The following OGA variants were observed in gnomAD, a reference collection of about 807,000 sequenced individuals.
OGA encodes protein O-GlcNAcase.
A neutral mutation model predicts 102.0 loss-of-function variants in OGA; 21 were observed. The observed-to-expected ratio is 0.21, with a 90% CI of 0.15 to 0.30. OGA has a LOEUF of 0.30. Ranked by LOEUF, OGA falls within the 10% of genes least tolerant of loss-of-function variation. OGA has a pLI of 1.00. For synonymous variants in OGA, 408 were observed against 378.2 expected, an observed-to-expected ratio of 1.08 and a Z score of -0.91; for missense variants, 765 against 1,107.8, an observed-to-expected ratio of 0.69 and a Z score of 4.39.
intron 14 of OGA, among the ~76,000 whole-genome samples, chr10:101,788,264 CCT>C (rs1198040199): frequency 2.0e-5 from 3 of 151,256 alleles, no homozygotes; most frequent in Non-Finnish European, 4.4e-5. Flanking sequence ...AAAGTAAAAC[CCT>C]GTCTCTACTA....
chr10:101,800,514 C>A, intron 7 of OGA, 114 bp from the exon 8 acceptor site: 1 of 776,482 alleles, frequency 1.3e-6, no homozygotes, highest in Non-Finnish European at 2.0e-6. Flanking sequence ...AAACAAAGAA[C>A]AGAATGAGAA....
chr10:101,800,779 T>C (rs1257554142), intron 7 of OGA, among the ~76,000 whole-genome samples: 2 of 145,626 alleles, frequency 1.4e-5, no homozygotes, highest in Non-Finnish European at 3.1e-5. Context: ...TTCTTTTTTT[T>C]TTTTTTTTTT....
chr10:101,788,332 G>A (rs921492633), intron 14 of OGA, among the ~76,000 whole-genome samples: 2 of 151,328 alleles, frequency 1.3e-5, no homozygotes, highest in East Asian at 1.9e-4. Context: ...CCAGCAACTC[G>A]GGAAGCTGAG....
At chr10:101,786,702 CAG>C in intron 15 of OGA, 115 bp from the exon 16 acceptor site, 1 of 849,764 alleles carries the variant, frequency 1.2e-6, no homozygotes, top group Non-Finnish European at 1.7e-6. Context: ...CTGTCTACAC[CAG>C]CTCCTACATT....
At chr10:101,808,005 A>G (rs113032515) in intron 4 of OGA, 104 bp from the exon 5 acceptor site, 1 of 929,412 alleles carries the variant, frequency 1.1e-6, no homozygotes, top group Non-Finnish European at 1.5e-6. Flanking sequence ...CCTTACTAGA[A>G]TGTTCAAAGA....
chr10:101,790,046 A>T (rs986413315), intron 14 of OGA, among the ~76,000 whole-genome samples: 5 of 152,192 alleles, frequency 3.3e-5, no homozygotes, highest in Non-Finnish European at 7.3e-5. Flanking sequence ...ATGGGGCATA[A>T]AACTTTTTTG....
intron 9 of OGA, 106 bp downstream of exon 9, chr10:101,798,736 G>T: frequency 7.4e-7 from 1 of 1,358,902 alleles, no homozygotes; most frequent in Non-Finnish European, 1.0e-6. Context: ...TCTAAAACAT[G>T]GTCAATTTTC....
At chr10:101,815,701 A>G (rs1344948373) in intron 1 of OGA, among the ~76,000 whole-genome samples, 2 of 152,042 alleles carry the variant, frequency 1.3e-5, no homozygotes, top group African/African-American at 2.4e-5. Context: ...GAGTTGCTCC[A>G]ATATAAAAAA....
chr10:101,796,713 G>A (rs1034259457), intron 10 of OGA, among the ~76,000 whole-genome samples: 4 of 151,504 alleles, frequency 2.6e-5, no homozygotes, highest in Non-Finnish European at 5.9e-5. Context: ...TGGGATTACA[G>A]GCATGCGCCA....
At chr10:101,805,154 A>G (rs1050359107) in intron 6 of OGA, among the ~76,000 whole-genome samples, 4 of 151,880 alleles carry the variant, frequency 2.6e-5, no homozygotes, top group African/African-American at 9.7e-5. Context: ...CTTCCACCTC[A>G]GCCCCCTAAG....
chr10:101,817,892 C>A lies in OGA; in HGVS notation c.131G>T (p.Gly44Val). 1.3e-6 allele frequency: 2 copies of A among 1,559,282 alleles called. No homozygotes were observed. The highest frequency in any genetic ancestry group is 1.9e-5 in the Admixed American group (1 of 53,642). ...CCCGGCCACCGCCGCTCCCCCAGCC[C>A]CGGCGGGGTTGTCTTCTCCGGGTGC... Reference protein sequence around the residue: ...APAPGEDNPAGAGGAAVAGAA... With the variant: ...APAPGEDNPAVAGGAAVAGAA... Residue 44 changes from glycine to valine, a missense_variant, in exon 1 of 16, where the codon GGG (glycine) becomes GTG (valine). Physicochemically the swap from Gly to Val is moderately radical, Grantham distance 109. Transcript: ENST00000361464.
rs79369262 is a variant in OGA at position 101,790,671 on chromosome 10, G to A, written c.2454+225C>T. On this transcript the variant is annotated intron_variant, in intron 14 of 15. Coordinates refer to ENST00000361464, the MANE Select transcript of OGA (RefSeq NM_012215.5). ...TTTCACCTGAGGAAATATTACAATAGTACTCCCAAATAAAAAACTGTCCCA... is the reference window on the plus strand; with the variant it reads ...TTTCACCTGAGGAAATATTACAATAATACTCCCAAATAAAAAACTGTCCCA... 8.4e-4 allele frequency among the ~76,000 whole-genome samples: 128 copies of A among 152,254 alleles called. 1 individual carries two copies. The highest frequency in any genetic ancestry group is 1.4e-3 in the Non-Finnish European group (92 of 68,012).
At chr10:101,787,340 C>A (rs1452332078) in intron 15 of OGA, 24 bp downstream of exon 15, 3 of 1,552,970 alleles carry the variant, frequency 1.9e-6, no homozygotes, top group Admixed American at 3.6e-5. Context: ...CCAAATACCA[C>A]CAACTCCACA....
intron 14 of OGA, among the ~76,000 whole-genome samples, chr10:101,789,079 T>C (rs1220546502): frequency 6.6e-6 from 1 of 152,214 alleles, no homozygotes; most frequent in African/African-American, 2.4e-5. Context: ...GGAACAGCAA[T>C]ACATCAGCAG....
chr10:101,812,279 A>C (rs904400466), intron 3 of OGA, among the ~76,000 whole-genome samples: 5 of 152,098 alleles, frequency 3.3e-5, no homozygotes, highest in Admixed American at 2.6e-4. Context: ...CAGGAGCTCA[A>C]GCCTGTAATC....
intron 1 of OGA, among the ~76,000 whole-genome samples, chr10:101,814,724 C>G (rs1477629666): frequency 6.6e-6 from 1 of 152,194 alleles, no homozygotes; most frequent in African/African-American, 2.4e-5. Flanking sequence ...GAGCAAAGAT[C>G]TGAACAAATG....
At chr10:101,788,421 GAAAAAA>G (rs767434249) in intron 14 of OGA, among the ~76,000 whole-genome samples, 1 of 102,290 alleles carries the variant, frequency 9.8e-6, no homozygotes, top group Non-Finnish European at 2.0e-5. Flanking sequence ...CCTGGGCGGG[GAAAAAA>G]AAAAAAAAAA....
At position 101,817,965 on chromosome 10, in the gene OGA, T is replaced by G; in HGVS notation, c.58A>C (p.Asn20His). 6.2e-7 allele frequency: 1 copy of G among 1,605,372 alleles called. No homozygotes were observed. The highest frequency in any genetic ancestry group is 1.3e-5 in the African/African-American group (1 of 74,828). ...GATGCCCCCGCAGAGGCGGCAGGGT[T>G]GGAGCTGAGCTCGCTCTCCCGCTCC... ...LEERESELSS[N>H]PAASAGASLE... Residue 20 changes from asparagine to histidine, a missense_variant, in exon 1 of 16, where the codon AAC (asparagine) becomes CAC (histidine). Asn to His is a moderately conservative substitution (Grantham distance 68). Coordinates refer to ENST00000361464, the MANE Select transcript of OGA (RefSeq NM_012215.5).
chr10:101,810,367 C>A, intron 3 of OGA, 53 bp from the exon 4 acceptor site: 1 of 1,504,858 alleles, frequency 6.6e-7, no homozygotes, highest in Non-Finnish European at 9.0e-7. Flanking sequence ...CTAAAAGAAC[C>A]TTCACTGAAG....
Sources: gnomAD v4.1 joint callset for allele counts (sites outside exome capture counted in the v4.1 genomes callset) on GRCh38, gnomAD v4.1.1 for gene constraint, MANE v1.5 for transcripts, NCBI Gene and HGNC (gene_info 2026-07-23, HGNC 2026-07-21) for gene names.